Variants in FGD6 observed in about 807,000 individuals in gnomAD.
FGD6 encodes the protein FYVE, RhoGEF and PH domain-containing protein 6.
FGD6 carries 90 observed loss-of-function variants against 149.4 expected under a neutral mutation model. The ratio of observed to expected loss-of-function variants is 0.60; its 90% CI spans 0.51 to 0.72. The LOEUF (loss-of-function observed/expected upper bound fraction) is 0.72. Ranked by LOEUF, FGD6 falls within the 30% of genes least tolerant of loss-of-function variation. FGD6 has a pLI of 0.00. For missense variants in FGD6, 1,437 were observed against 1,684.8 expected (o/e 0.85, Z 2.57); for synonymous variants, 527 against 584.0 (o/e 0.90, Z 1.41).
At chr12:95,143,254 C>T (rs1296038631) in intron 5 of FGD6, among the ~76,000 whole-genome samples, 2 of 151,410 alleles carry the variant, frequency 1.3e-5, no homozygotes, top group Non-Finnish European at 2.9e-5. Flanking sequence ...ACACCTGCCC[C>T]TAACATACAT....
At chr12:95,084,972 A>T (rs1016133935) in intron 19 of FGD6, among the ~76,000 whole-genome samples, 1 of 152,202 alleles carries the variant, frequency 6.6e-6, no homozygotes, top group African/African-American at 2.4e-5. Flanking sequence ...TCAGAAAGGT[A>T]AGCTATTCAC....
Position 95,094,579 on chromosome 12 carries a change from G to T in FGD6, c.3600+13C>A. ...AATGCACTGGAAAAAAAAAAAAAAG[G>T]AGAAAACAATACCTCATCAAGACTC... is the stretch of plus-strand genomic sequence containing the variant. On this transcript the variant is annotated intron_variant, in intron 15 of 20. Transcript: ENST00000343958. The T allele has an allele frequency of 6.5e-7, 1 of 1,534,554 alleles. No homozygotes were observed.
chr12:95,097,103 C>T (rs1878256748), intron 14 of FGD6, among the ~76,000 whole-genome samples: 1 of 152,154 alleles, frequency 6.6e-6, no homozygotes, highest in South Asian at 2.1e-4. Context: ...TCTGCCAAGA[C>T]AATGTTTACC....
At chr12:95,091,559 A>G in intron 17 of FGD6, 148 bp downstream of exon 17, 1 of 572,892 alleles carries the variant, frequency 1.7e-6, no homozygotes, top group Non-Finnish European at 3.0e-6. Context: ...ATTACAACAA[A>G]ATATGAATTA....
chr12:95,179,414 AG>A (rs957049058), intron 2 of FGD6, among the ~76,000 whole-genome samples: 2 of 151,948 alleles, frequency 1.3e-5, no homozygotes, highest in Non-Finnish European at 2.9e-5. Flanking sequence ...CTGAGGTGGG[AG>A]GATCACTTGA....
intron 2 of FGD6, among the ~76,000 whole-genome samples, chr12:95,207,541 G>C (rs2056699424): frequency 6.6e-6 from 1 of 152,132 alleles, no homozygotes. Flanking sequence ...ACAAACATTA[G>C]AAATACAATG....
At chr12:95,213,051 T>C (rs953894308) in intron 1 of FGD6, among the ~76,000 whole-genome samples, 1 of 152,218 alleles carries the variant, frequency 6.6e-6, no homozygotes, top group Non-Finnish European at 1.5e-5. Flanking sequence ...GTCTGAGTTT[T>C]TTTTAGGCAG....
Position 95,209,069 on chromosome 12 carries a change from A to G in FGD6, c.2215T>C (p.Ser739Pro), listed in dbSNP as rs775708424. The G allele has an allele frequency of 5.0e-6, 8 of 1,614,068 alleles. No individual in the cohort carries two copies. In the Admixed American group the frequency reaches 1.3e-4, roughly 27 times the overall value. Residue 739 changes from serine (S) to proline (P), a missense_variant, in exon 2 of 21, where the codon TCT becomes CCT. Ser to Pro is a moderately conservative substitution (Grantham distance 74, BLOSUM62 -1). Transcript: ENST00000343958. ...RESSSQAPYK[S>P]VTSLCAPEYE... ...TCCGGTGCACAGAGGCTTGTAACAG[A>G]CTTGTAAGGTGCCTGAGATGATGAC...
At chr12:95,189,307 C>T (rs1031656824) in intron 2 of FGD6, 15 of 152,168 alleles carry the variant, frequency 9.9e-5, no homozygotes, top group African/African-American at 3.6e-4. Flanking sequence ...CTTCTTAACA[C>T]TGTGAGGGCT....
intron 3 of FGD6, among the ~76,000 whole-genome samples, chr12:95,153,731 A>T (rs2136273577): frequency 6.6e-6 from 1 of 152,260 alleles, no homozygotes; most frequent in African/African-American, 2.4e-5. Flanking sequence ...TGAGAACTTC[A>T]CCATAAGTAA....
At chr12:95,216,089 C>T (rs1297534633) in intron 1 of FGD6, among the ~76,000 whole-genome samples, 1 of 152,238 alleles carries the variant, frequency 6.6e-6, no homozygotes, top group East Asian at 1.9e-4. Context: ...ACAACACCCA[C>T]TTCTTGCTTT....
rs368615231 is a variant in FGD6 at position 95,082,224 on chromosome 12, G to A, written c.4257-668C>T. 1.3e-4 allele frequency among the ~76,000 whole-genome samples: 20 copies of A among 152,294 alleles called. No homozygotes were observed. In the East Asian group the frequency reaches 3.5e-3, roughly 26 times the overall value. On this transcript the variant is annotated intron_variant, in intron 20 of 20. Coordinates refer to ENST00000343958, the MANE Select transcript of FGD6 (RefSeq NM_018351.4). ...TGGAATTTGGACTCAGTGCTTTTAG[G>A]AACACTAGTTCCCTGTCTCCTCCTA...
intron 2 of FGD6, among the ~76,000 whole-genome samples, chr12:95,185,200 A>C (rs1013962624): frequency 6.6e-6 from 1 of 152,152 alleles, no homozygotes; most frequent in Admixed American, 6.6e-5. Flanking sequence ...CGCATCAGTG[A>C]GTCCTTACAC....
intron 2 of FGD6, among the ~76,000 whole-genome samples, chr12:95,203,726 C>T (rs2056675239): frequency 6.6e-6 from 1 of 152,070 alleles, no homozygotes; most frequent in African/African-American, 2.4e-5. Flanking sequence ...TAGGAAAACC[C>T]AATTATCATA....
chr12:95,096,473 C>T (rs1027391256), intron 14 of FGD6, among the ~76,000 whole-genome samples: 2 of 152,104 alleles, frequency 1.3e-5, no homozygotes, highest in Non-Finnish European at 2.9e-5. Flanking sequence ...AAGAAATAAT[C>T]TCTTTCTCTC....
chr12:95,100,684 A>T, intron 14 of FGD6: 1 of 539,026 alleles, frequency 1.9e-6, no homozygotes, highest in Non-Finnish European at 3.8e-6. Flanking sequence ...ACCAGAATTC[A>T]CCAAGAGCAA....
chr12:95,216,516 CA>C (rs1298614991), intron 1 of FGD6, among the ~76,000 whole-genome samples: 3 of 152,066 alleles, frequency 2.0e-5, no homozygotes, highest in Non-Finnish European at 4.4e-5. Context: ...TTCAGAAACA[CA>C]ACGTCTAGAA....
At chr12:95,089,257 A>G (rs760303678) in intron 18 of FGD6, among the ~76,000 whole-genome samples, 3 of 152,252 alleles carry the variant, frequency 2.0e-5, no homozygotes, top group Non-Finnish European at 4.4e-5. Context: ...TATCCTGTGG[A>G]CTTCTTCCCT....
chr12:95,150,189 G>A (rs921782507), intron 5 of FGD6, among the ~76,000 whole-genome samples: 8 of 151,650 alleles, frequency 5.3e-5, no homozygotes, highest in Non-Finnish European at 7.4e-5. Flanking sequence ...CACCACGCCC[G>A]GCTAATTTTT....
Sources: gnomAD v4.1 joint callset for allele counts (sites outside exome capture counted in the v4.1 genomes callset) on GRCh38, gnomAD v4.1.1 for gene constraint, MANE v1.5 for transcripts, NCBI Gene and HGNC (gene_info 2026-07-23, HGNC 2026-07-21) for gene names.